UBR3: variants seen among roughly 807,000 people sequenced by gnomAD.
The protein encoded by UBR3 is ubiquitin protein ligase E3 component n-recognin 3, also known as E3 ubiquitin-protein ligase UBR3.
In UBR3, 85 loss-of-function variants were observed where a neutral mutation model predicts 243.2. The observed-to-expected ratio is 0.35, with a 90% CI of 0.29 to 0.42. The LOEUF is 0.42. Ranked by LOEUF, UBR3 falls within the 10% of genes least tolerant of loss-of-function variation. The pLI is 1.00. For synonymous variants in UBR3, 748 were observed against 799.8 expected, an observed-to-expected ratio of 0.94 and a Z score of 1.09; for missense variants, 1,686 against 2,300.8, an observed-to-expected ratio of 0.73 and a Z score of 5.47.
At chr2:169,908,902 C>T (rs1362749396) in intron 10 of UBR3, among the ~76,000 whole-genome samples, 1 of 149,496 alleles carries the variant, frequency 6.7e-6, no homozygotes, top group East Asian at 2.0e-4. Flanking sequence ...TGGCTCACTG[C>T]AAGCTCTGCC....
At chr2:169,910,221 A>AT (rs2085198861) in intron 10 of UBR3, among the ~76,000 whole-genome samples, 1 of 152,140 alleles carries the variant, frequency 6.6e-6, no homozygotes, top group African/African-American at 2.4e-5. Flanking sequence ...GATGGATGAG[A>AT]TTAAATAGGG....
At chr2:169,872,117 TA>T in intron 1 of UBR3, 118 bp from the exon 2 acceptor site, 1 of 753,758 alleles carries the variant, frequency 1.3e-6, no homozygotes, top group Non-Finnish European at 1.9e-6. Context: ...CCTGGTACCT[TA>T]AAAATCATAA....
At chr2:169,872,610 T>A (rs1056120964) in intron 2 of UBR3, among the ~76,000 whole-genome samples, 1 of 152,154 alleles carries the variant, frequency 6.6e-6, no homozygotes, top group Non-Finnish European at 1.5e-5. Context: ...ATGTTTTTGA[T>A]CAAACTTATT....
intron 20 of UBR3, 72 bp downstream of exon 20, chr2:169,942,706 T>G: frequency 7.4e-7 from 1 of 1,358,344 alleles, no homozygotes; most frequent in Non-Finnish European, 9.6e-7. Flanking sequence ...AAGGATAATA[T>G]TTACATAAAA....
intron 1 of UBR3, among the ~76,000 whole-genome samples, chr2:169,852,212 T>C (rs2082681531): frequency 1.3e-5 from 2 of 152,206 alleles, no homozygotes; most frequent in South Asian, 4.1e-4. Flanking sequence ...GTGACTCAGA[T>C]TTCTGTTTTA....
chr2:169,942,565 C>G lies in UBR3; in HGVS notation c.2736C>G (p.Ser912Arg). ...PYKKRTSLHP[S>R]YKGLMRLLHC... is the part of the protein sequence containing the mutation. The stretch of plus-strand genomic sequence containing the variant: ...AGAAAAGGACATCACTCCATCCTAG[C>G]TATAAAGGTCTTATGAGACTTTTGC... The change falls in exon 20 of 39, where the codon AGC (serine) becomes AGG (arginine). Residue 912 changes from serine (S) to arginine (R), a missense_variant. By Grantham distance (110) the Ser-to-Arg change is moderately radical. This residue lies in a region of UBR3 where 300 missense variants were observed against 314.4 expected (regional missense o/e 0.95). Coordinates refer to ENST00000272793, the MANE Select transcript of UBR3 (RefSeq NM_172070.4). The G allele has an allele frequency of 6.4e-7, 1 of 1,550,600 alleles. No homozygotes were observed. Among genetic ancestry groups the G allele is most frequent in the Non-Finnish European group, 8.7e-7 (1 of 1,146,656 alleles).
chr2:169,961,221 G>T (rs2087556062), intron 24 of UBR3, among the ~76,000 whole-genome samples: 1 of 151,872 alleles, frequency 6.6e-6, no homozygotes, highest in Non-Finnish European at 1.5e-5. Flanking sequence ...TTGTTCTCCA[G>T]GCATGCCTTA....
At chr2:169,858,333 AC>A (rs891233696) in intron 1 of UBR3, among the ~76,000 whole-genome samples, 13 of 152,136 alleles carry the variant, frequency 8.5e-5, no homozygotes, top group African/African-American at 3.1e-4. Context: ...ATTTCTTGTC[AC>A]CGGGTATGAT....
chr2:169,839,515 AG>A (rs2082219617), intron 1 of UBR3, among the ~76,000 whole-genome samples: 3 of 50,488 alleles, frequency 5.9e-5, no homozygotes, highest in Non-Finnish European at 1.6e-4. Context: ...AATAGCTAGA[AG>A]AGAAGAATTT....
chr2:170,004,814 G>A (rs1192670419), intron 27 of UBR3, among the ~76,000 whole-genome samples: 1 of 152,148 alleles, frequency 6.6e-6, no homozygotes, highest in East Asian at 1.9e-4. Flanking sequence ...GGGAGGCTGA[G>A]GCAGGAGAAT....
intron 24 of UBR3, among the ~76,000 whole-genome samples, chr2:169,974,467 T>G (rs2088328497): frequency 6.6e-6 from 1 of 152,204 alleles, no homozygotes; most frequent in Admixed American, 6.5e-5. Flanking sequence ...TTGTTCATAA[T>G]AGTCTCTAAT....
Position 169,854,185 on chromosome 2 carries a change from TA to T in UBR3, c.546-18043del, listed in dbSNP as rs1291301163. Among the ~76,000 whole-genome samples, 21 of 152,156 alleles carry T rather than the reference TA, an allele frequency of 1.4e-4. 1 individual carries two copies. The South Asian group carries it at 4.4e-3, about 32-fold the overall frequency. The stretch of plus-strand genomic sequence containing the variant: ...CATGTATCCCAGAATTTAAAGTATT[TA>T]AAAAAAAGTTTACAAATGTTATCTA... On this transcript the variant is annotated intron_variant, in intron 1 of 38. Coordinates refer to ENST00000272793, the MANE Select transcript of UBR3 (RefSeq NM_172070.4).
chr2:170,071,768 G>T (rs1403912500), intron 35 of UBR3, among the ~76,000 whole-genome samples: 1 of 151,956 alleles, frequency 6.6e-6, no homozygotes, highest in Non-Finnish European at 1.5e-5. Flanking sequence ...TCAGAATTTT[G>T]TACTTAATGT....
intron 7 of UBR3, 93 bp downstream of exon 7, chr2:169,895,404 G>T (rs1217355899): frequency 1.5e-6 from 2 of 1,350,066 alleles, no homozygotes; most frequent in Non-Finnish European, 2.0e-6. Context: ...TCAGGTGAAG[G>T]TTGATATAAC....
chr2:169,951,926 A>G (rs1417763586), intron 23 of UBR3, among the ~76,000 whole-genome samples: 1 of 152,202 alleles, frequency 6.6e-6, no homozygotes, highest in East Asian at 1.9e-4. Context: ...TCCTTTTACC[A>G]AGATAATGGA....
intron 23 of UBR3, 81 bp from the exon 24 acceptor site, chr2:169,958,357 C>A: frequency 7.9e-7 from 1 of 1,263,100 alleles, no homozygotes; most frequent in Non-Finnish European, 1.1e-6. Context: ...AGGGGCTTTT[C>A]ATACATTATA....
chr2:169,894,766 A>T (rs2084517515), intron 6 of UBR3, among the ~76,000 whole-genome samples: 1 of 152,148 alleles, frequency 6.6e-6, no homozygotes, highest in Admixed American at 6.6e-5. Flanking sequence ...TTAGGGCTGG[A>T]CCTGAGGATT....
chr2:169,885,588 G>GA (rs373188377), intron 5 of UBR3, among the ~76,000 whole-genome samples: 128 of 144,274 alleles, frequency 8.9e-4, no homozygotes, highest in East Asian at 2.8e-3. Flanking sequence ...AAAACAGACA[G>GA]AAAAAAAAAA....
intron 1 of UBR3, among the ~76,000 whole-genome samples, chr2:169,841,437 G>T (rs931750996): frequency 8.5e-5 from 13 of 152,332 alleles, no homozygotes; most frequent in Non-Finnish European, 2.9e-5. Flanking sequence ...GGTGGCATTT[G>T]AGGAGCCCTT....
Sources: gnomAD v4.1 joint callset for allele counts (sites outside exome capture counted in the v4.1 genomes callset) on GRCh38, gnomAD v4.1.1 for gene constraint, gnomAD v4.1.1 regional missense constraint, MANE v1.5 for transcripts, NCBI Gene and HGNC (gene_info 2026-07-23, HGNC 2026-07-21) for gene names.